Variants in GSE1 observed in about 807,000 individuals in gnomAD.
The protein encoded by GSE1 is genetic suppressor element 1.
Under a neutral mutation model 112.6 loss-of-function variants are expected in GSE1, and 32 were observed. The ratio of observed to expected loss-of-function variants is 0.28; its 90% CI spans 0.21 to 0.38. GSE1 has a LOEUF of 0.38. Ranked by LOEUF, GSE1 falls within the 10% of genes least tolerant of loss-of-function variation. The pLI is 1.00. For synonymous variants in GSE1, 1,115 were observed against 735.6 expected, an observed-to-expected ratio of 1.52 and a Z score of -8.35; for missense variants, 2,348 against 1,699.2, an observed-to-expected ratio of 1.38 and a Z score of -6.71.
At chr16:85,510,638 C>G (rs963700395) in intron 2 of GSE1, among the ~76,000 whole-genome samples, 1 of 152,210 alleles carries the variant, frequency 6.6e-6, no homozygotes, top group Admixed American at 6.5e-5. Flanking sequence ...AGGCTGCCCC[C>G]CAAGTGTGGG....
intron 1 of GSE1, among the ~76,000 whole-genome samples, chr16:85,619,557 C>T (rs1437131901): frequency 6.6e-6 from 1 of 152,210 alleles, no homozygotes; most frequent in Admixed American, 6.5e-5. Flanking sequence ...ACGGCAGGCG[C>T]TCTTACGTGG....
chr16:85,490,634 A>G (rs4075068), intron 2 of GSE1: 108,989 of 152,160 alleles, frequency 0.72, 40,046 homozygotes, highest in African/African-American at 0.89. Context: ...CGGCCACACC[A>G]CGAGTGGATG....
In GSE1 at chr16:85,208,274, G is replaced by T. The variant is rs530967991; in HGVS notation, c.2283+36467G>T. The stretch of plus-strand genomic sequence containing the variant: ...GAGAGGGACCCCACCACATGCTGGG[G>T]ATGCACTCCGCCACGTCGCTGGCGG... On this transcript the variant is annotated intron_variant, in intron 1 of 2. Transcript: ENST00000637419. 2.0e-5 allele frequency among the ~76,000 whole-genome samples: 3 copies of T among 152,278 alleles called. 1 individual carries two copies. The East Asian group carries it at 5.8e-4, about 29-fold the overall frequency.
intron 1 of GSE1, among the ~76,000 whole-genome samples, chr16:85,254,994 TG>T (rs933592826): frequency 9.9e-5 from 15 of 152,106 alleles, no homozygotes; most frequent in African/African-American, 3.1e-4. Flanking sequence ...AAGAGGTGGT[TG>T]GGGGCAGCAC....
Position 85,374,517 on chromosome 16 carries a change from A to AGT in GSE1, c.2464+16880_2464+16881dup, listed in dbSNP as rs531840966. ...TGGCTCTCAGTGTATAATGTGTGTC[A>AGT]GTGTGTGCGTGTGTGTGTGTGTGTG... On this transcript the variant is annotated intron_variant, in intron 2 of 2. Transcript: ENST00000637419. 9.1e-3 allele frequency among the ~76,000 whole-genome samples: 991 copies of AGT among 109,032 alleles called. 5 individuals are homozygous for AGT. Among genetic ancestry groups the AGT allele is most frequent in the Non-Finnish European group, 0.014 (734 of 52,198 alleles). 71.5% of individuals were successfully genotyped at this position (109,032 alleles called of 152,430 possible). A position where few individuals can be genotyped will look rare whatever the true frequency, so the allele number is the denominator to read the frequency against.
chr16:85,559,139 C>T (rs2045393677), intron 1 of GSE1, among the ~76,000 whole-genome samples: 1 of 152,138 alleles, frequency 6.6e-6, no homozygotes, highest in African/African-American at 2.4e-5. Context: ...GGATTACAGG[C>T]TTTACGTGCC....
chr16:85,449,766 C>A (rs898786474), intron 2 of GSE1, among the ~76,000 whole-genome samples: 1 of 152,194 alleles, frequency 6.6e-6, no homozygotes, highest in South Asian at 2.1e-4. Flanking sequence ...TTGGAGAGAT[C>A]GCTTGACTTC....
chr16:85,575,454 C>A (rs965156294), intron 1 of GSE1, among the ~76,000 whole-genome samples: 10 of 152,068 alleles, frequency 6.6e-5, no homozygotes, highest in African/African-American at 2.4e-4. Flanking sequence ...TGCTGTGTGC[C>A]CTGTGGGGAC....
intron 3 of GSE1, among the ~76,000 whole-genome samples, chr16:85,649,035 A>G (rs559845517): frequency 1.1e-4 from 16 of 152,114 alleles, no homozygotes; most frequent in South Asian, 1.0e-3. Context: ...CAAGTTCACA[A>G]TCCGGGGGCC....
Position 85,502,525 on chromosome 16 carries a change from T to C in GSE1, c.2465-131389T>C, listed in dbSNP as rs111490222. ...GAGATTCTGAGGGCAACCGGGCTTC[T>C]GGAACTCAGCCAGCGCTGGGCCAGG... On this transcript the variant is annotated intron_variant, in intron 2 of 2. Transcript: ENST00000637419. Among the ~76,000 whole-genome samples, 1,311 of 152,332 alleles carry C rather than the reference T, an allele frequency of 8.6e-3. 16 individuals are homozygous for C. Among genetic ancestry groups the C allele is most frequent in the African/African-American group, 0.029 (1,222 of 41,574 alleles).
At chr16:85,210,384 G>T (rs2075204046) in intron 1 of GSE1, among the ~76,000 whole-genome samples, 1 of 152,182 alleles carries the variant, frequency 6.6e-6, no homozygotes, top group African/African-American at 2.4e-5. Flanking sequence ...CGGGCAGATT[G>T]CTTGAGCCCA....
chr16:85,327,884 T>C (rs1405176513), intron 1 of GSE1, among the ~76,000 whole-genome samples: 2 of 152,168 alleles, frequency 1.3e-5, no homozygotes, highest in Non-Finnish European at 2.9e-5. Flanking sequence ...GGGAGGATGT[T>C]GTCTTTCCTC....
chr16:85,419,398 A>G lies in GSE1; in HGVS notation c.2464+61755A>G, dbSNP rs1218820714. ...GAGGCTGAGATGGGAGGACTGCTTG[A>G]GCCCAGGAGTTTGAGACCAGCCTGA... On this transcript the variant is annotated intron_variant, in intron 2 of 2. Coordinates refer to the GSE1 transcript ENST00000637419. This position sits in a 1 kb window ranked among gnomAD's most constrained non-coding sequence, Gnocchi z 6.5. Among the ~76,000 whole-genome samples, 1 of 152,004 alleles carries G rather than the reference A, an allele frequency of 6.6e-6. No individual in the cohort carries two copies. Among genetic ancestry groups the G allele is most frequent in the Non-Finnish European group, 1.5e-5 (1 of 68,000 alleles).
At chr16:85,287,826 C>A (rs144514548) in intron 1 of GSE1, among the ~76,000 whole-genome samples, 1 of 152,122 alleles carries the variant, frequency 6.6e-6, no homozygotes, top group East Asian at 1.9e-4. Flanking sequence ...CTAAAGGAGC[C>A]GCAGGAGCTC....
intron 2 of GSE1, among the ~76,000 whole-genome samples, chr16:85,521,380 G>A (rs1302989676): frequency 1.3e-5 from 2 of 152,198 alleles, no homozygotes; most frequent in African/African-American, 4.8e-5. Context: ...GGGGTCCAAA[G>A]CTCCTGTCTC....
rs1480940583 is a variant in GSE1, at chr16:85,373,609, A to C, written c.2464+15966A>C. On this transcript the variant is annotated intron_variant, in intron 2 of 2. Coordinates refer to the GSE1 transcript ENST00000637419. The surrounding 1 kb of genome is among the most constrained non-coding windows in gnomAD (Gnocchi z 5.1). ...GCTACTATGTGTCCTCCCAGCCTGG[A>C]GTGAGTGTCTGGGAGGGCCACAGGT... is the stretch of plus-strand genomic sequence containing the variant. Among the ~76,000 whole-genome samples, 1 of 151,912 alleles carries C rather than the reference A, an allele frequency of 6.6e-6. No individual in the cohort carries two copies. The highest frequency in any genetic ancestry group is 1.5e-5 in the Non-Finnish European group (1 of 67,960).
chr16:85,241,083 G>A (rs28612891), intron 1 of GSE1, among the ~76,000 whole-genome samples: 41,599 of 152,036 alleles, frequency 0.27, 5,981 homozygotes, highest in East Asian at 0.36. Flanking sequence ...AGGCTTCCCC[G>A]TGAAACGAGC....
At chr16:85,257,160 G>A (rs1477108194) in intron 1 of GSE1, among the ~76,000 whole-genome samples, 30 of 152,310 alleles carry the variant, frequency 2.0e-4, no homozygotes, top group South Asian at 1.7e-3. Flanking sequence ...CCAGGCTGGA[G>A]TGCAGTGGCG....
At chr16:85,355,442 A>T (rs891812393) in intron 1 of GSE1, among the ~76,000 whole-genome samples, 11 of 152,228 alleles carry the variant, frequency 7.2e-5, no homozygotes, top group East Asian at 1.9e-4. Context: ...GCCTGGGCTG[A>T]CCTTGCCTGT....
Sources: allele counts gnomAD v4.1 joint callset (sites outside exome capture counted in the v4.1 genomes callset), GRCh38; gene constraint gnomAD v4.1.1; non-coding constraint Gnocchi (gnomAD v3.1); transcripts MANE v1.5; gene names NCBI Gene and HGNC (gene_info 2026-07-23, HGNC 2026-07-21).